The following ZNF385D variants were observed in gnomAD, a reference collection of about 807,000 sequenced individuals.
ZNF385D encodes the protein zinc finger protein 659.
Under a neutral mutation model 35.8 loss-of-function variants are expected in ZNF385D, and 15 were observed. The observed-to-expected ratio is 0.42, with a 90% CI of 0.28 to 0.64. The LOEUF is 0.64. Among genes scored for constraint, ZNF385D ranks in the 30% least tolerant of loss-of-function variants. The pLI is 0.23. For synonymous variants in ZNF385D, 212 were observed against 186.8 expected, an observed-to-expected ratio of 1.13 and a Z score of -1.10; for missense variants, 474 against 494.6, an observed-to-expected ratio of 0.96 and a Z score of 0.39.
intron 2 of ZNF385D, among the ~76,000 whole-genome samples, chr3:22,359,795 C>T (rs1575194862): frequency 6.6e-6 from 1 of 151,902 alleles, no homozygotes; most frequent in East Asian, 1.9e-4. Context: ...GGTAAGGAAA[C>T]TAGTTATGAA....
chr3:21,930,661 T>A (rs1352450473), intron 3 of ZNF385D, among the ~76,000 whole-genome samples: 1 of 152,140 alleles, frequency 6.6e-6, no homozygotes, highest in Non-Finnish European at 1.5e-5. Flanking sequence ...AGATGAGAAA[T>A]TAATCCTTAC....
chr3:21,657,323 T>A (rs2066101731), intron 2 of ZNF385D, among the ~76,000 whole-genome samples: 1 of 151,990 alleles, frequency 6.6e-6, no homozygotes, highest in Non-Finnish European at 1.5e-5. Flanking sequence ...TCATGCGTTG[T>A]GCATTTGTTT....
chr3:22,165,551 G>A (rs138737338), intron 3 of ZNF385D, among the ~76,000 whole-genome samples: 364 of 152,286 alleles, frequency 2.4e-3, no homozygotes, highest in African/African-American at 8.1e-3. Context: ...GCAGTTGGCA[G>A]TATTTAAGAA....
intron 2 of ZNF385D, among the ~76,000 whole-genome samples, chr3:22,232,187 C>T (rs1225746471): frequency 6.6e-6 from 1 of 152,130 alleles, no homozygotes; most frequent in African/African-American, 2.4e-5. Flanking sequence ...GTGAAATCTC[C>T]AATAGGAGAT....
intron 2 of ZNF385D, among the ~76,000 whole-genome samples, chr3:22,274,338 C>A: frequency 6.6e-6 from 1 of 151,728 alleles, no homozygotes; most frequent in Non-Finnish European, 1.5e-5. Flanking sequence ...ATAATATAAC[C>A]ATGAGGACAG....
intron 2 of ZNF385D, among the ~76,000 whole-genome samples, chr3:21,645,115 G>A (rs974735346): frequency 6.6e-6 from 1 of 152,146 alleles, no homozygotes; most frequent in Admixed American, 6.6e-5. Context: ...TTGATGCAAC[G>A]GTCCCTGAGA....
chr3:22,136,821 G>GA (rs1704153848), intron 3 of ZNF385D, among the ~76,000 whole-genome samples: 1 of 152,028 alleles, frequency 6.6e-6, no homozygotes, highest in Admixed American at 6.6e-5. Flanking sequence ...TTTCTAACTG[G>GA]AAAAATCAAT....
intron 3 of ZNF385D, among the ~76,000 whole-genome samples, chr3:21,889,701 G>T (rs1216575366): frequency 6.6e-6 from 1 of 152,148 alleles, no homozygotes; most frequent in Non-Finnish European, 1.5e-5. Flanking sequence ...ATGTTTCTCT[G>T]ATGCTACCTT....
At chr3:22,145,100 T>A (rs547406010) in intron 3 of ZNF385D, among the ~76,000 whole-genome samples, 5 of 152,256 alleles carry the variant, frequency 3.3e-5, no homozygotes, top group African/African-American at 9.6e-5. Context: ...ATGTCCTATG[T>A]ACATACACAC....
chr3:21,647,613 A>G (rs2065791969), intron 2 of ZNF385D, among the ~76,000 whole-genome samples: 1 of 152,202 alleles, frequency 6.6e-6, no homozygotes, highest in Non-Finnish European at 1.5e-5. Flanking sequence ...TAATGATTTC[A>G]TTCTACTTTC....
chr3:21,983,466 C>A (rs1694626225), intron 3 of ZNF385D, among the ~76,000 whole-genome samples: 2 of 119,330 alleles, frequency 1.7e-5, no homozygotes, highest in Admixed American at 9.3e-5. Context: ...TTTCCAATTT[C>A]ATCCATGTCC....
chr3:22,029,294 G>T (rs760661158), intron 3 of ZNF385D, among the ~76,000 whole-genome samples: 3 of 152,122 alleles, frequency 2.0e-5, no homozygotes, highest in Non-Finnish European at 4.4e-5. Context: ...GGAAGAGTAT[G>T]CATGGAATAT....
At chr3:22,238,883 C>A (rs1244372461) in intron 2 of ZNF385D, among the ~76,000 whole-genome samples, 3 of 150,322 alleles carry the variant, frequency 2.0e-5, no homozygotes, top group African/African-American at 4.9e-5. Flanking sequence ...CAGGCATGCA[C>A]CACTATGCAG....
chr3:22,352,749 G>T (rs949233755), intron 2 of ZNF385D, among the ~76,000 whole-genome samples: 5 of 152,036 alleles, frequency 3.3e-5, no homozygotes, highest in Admixed American at 1.3e-4. Context: ...TAAAAATTTG[G>T]AGGCATACAT....
At chr3:22,120,612 A>C (rs761898663) in intron 3 of ZNF385D, among the ~76,000 whole-genome samples, 1 of 152,100 alleles carries the variant, frequency 6.6e-6, no homozygotes, top group Non-Finnish European at 1.5e-5. Flanking sequence ...TCTACTCTTT[A>C]CTAGCTGCAC....
At chr3:21,683,098 C>T (rs912413694) in intron 1 of ZNF385D, among the ~76,000 whole-genome samples, 4 of 149,592 alleles carry the variant, frequency 2.7e-5, no homozygotes, top group African/African-American at 9.9e-5. Flanking sequence ...TTACTAATTC[C>T]TAGGTAATGC....
chr3:21,570,385 C>T (rs2063299845), intron 2 of ZNF385D, among the ~76,000 whole-genome samples: 1 of 152,136 alleles, frequency 6.6e-6, no homozygotes, highest in African/African-American at 2.4e-5. Context: ...CTCAAGGTTC[C>T]CTTCTCTAGG....
chr3:21,903,445 CT>C (rs1441534351), intron 3 of ZNF385D, among the ~76,000 whole-genome samples: 1 of 152,100 alleles, frequency 6.6e-6, no homozygotes, highest in Non-Finnish European at 1.5e-5. Context: ...TTCGGAGTCT[CT>C]GAGGCTGGCT....
chr3:22,172,936 A>G (rs1052301848), intron 2 of ZNF385D, among the ~76,000 whole-genome samples: 1 of 152,204 alleles, frequency 6.6e-6, no homozygotes, highest in Non-Finnish European at 1.5e-5. Context: ...TGTGGTACAG[A>G]AAGAGGAGAA....
Sources: gnomAD v4.1 joint callset for allele counts (sites outside exome capture counted in the v4.1 genomes callset) on GRCh38, gnomAD v4.1.1 for gene constraint, MANE v1.5 for transcripts, NCBI Gene and HGNC (gene_info 2026-07-23, HGNC 2026-07-21) for gene names.